The following KRIT1 variants were observed in gnomAD, a reference collection of about 807,000 sequenced individuals.
KRIT1 encodes krev interaction trapped protein 1.
Under a neutral mutation model 95.8 loss-of-function variants are expected in KRIT1, and 45 were observed. The observed-to-expected ratio is 0.47, with a 90% CI of 0.37 to 0.60. The LOEUF (loss-of-function observed/expected upper bound fraction) is 0.60, where lower values mean the gene tolerates loss of function less well. KRIT1 is among the 20% of genes least tolerant of loss of function. The pLI is 0.00. For missense variants in KRIT1, 788 were observed against 877.5 expected (o/e 0.90, Z 1.29); for synonymous variants, 282 against 278.8 (o/e 1.01, Z -0.11).
rs1798700135 is a variant in KRIT1, at chr7:92,237,655, T to A, written c.355+12A>T. 2 of 1,500,672 alleles carry A rather than the reference T, an allele frequency of 1.3e-6. No homozygotes were observed. Among genetic ancestry groups the A allele is most frequent in the African/African-American group, 2.7e-5 (2 of 72,792 alleles). 93.0% of individuals were successfully genotyped at this position (1,500,672 alleles called of 1,614,324 possible). On this transcript the variant is annotated intron_variant, in intron 6 of 18. Transcript: ENST00000394505. ...AGTATATAAAGATTTGTAAGATACA[T>A]TTAGACTTTACCTTTGACAACTGAT... is the stretch of plus-strand genomic sequence containing the variant.
At chr7:92,222,770 C>T in intron 13 of KRIT1, 52 bp downstream of exon 13, 8 of 1,127,626 alleles carry the variant, frequency 7.1e-6, no homozygotes, top group East Asian at 2.4e-5. Flanking sequence ...TACCAACCCA[C>T]TCCCAAAAAG....
intron 12 of KRIT1, among the ~76,000 whole-genome samples, chr7:92,223,939 A>G (rs367894329): frequency 2.4e-4 from 36 of 152,364 alleles, no homozygotes; most frequent in African/African-American, 8.7e-4. Context: ...TTCACAATAT[A>G]AAAATTATAT....
intron 17 of KRIT1, among the ~76,000 whole-genome samples, chr7:92,207,600 T>G (rs942498639): frequency 6.6e-6 from 1 of 152,220 alleles, no homozygotes; most frequent in African/African-American, 2.4e-5. Context: ...CTCACGCCTG[T>G]AATCCCAGCA....
intron 14 of KRIT1, among the ~76,000 whole-genome samples, chr7:92,220,243 T>G (rs568391717): frequency 6.6e-6 from 1 of 152,336 alleles, no homozygotes; most frequent in South Asian, 2.1e-4. Context: ...TGAAAGGGTG[T>G]TGGATTTTGT....
intron 17 of KRIT1, among the ~76,000 whole-genome samples, chr7:92,210,468 A>G (rs1792555136): frequency 6.6e-6 from 1 of 152,198 alleles, no homozygotes; most frequent in Non-Finnish European, 1.5e-5. Flanking sequence ...TGTTGGAAAA[A>G]TTGGATACCC....
intron 17 of KRIT1, 84 bp downstream of exon 17, chr7:92,213,111 C>A: frequency 1.1e-6 from 1 of 903,824 alleles, no homozygotes; most frequent in Non-Finnish European, 1.8e-6. Flanking sequence ...TGTATATATG[C>A]CATTTCTAAA....
intron 10 of KRIT1, among the ~76,000 whole-genome samples, chr7:92,234,121 T>C (rs1563300244): frequency 6.6e-6 from 1 of 152,106 alleles, no homozygotes; most frequent in East Asian, 1.9e-4. Flanking sequence ...ATAATCCCAA[T>C]ACAAAACAAG....
chr7:92,229,530 CAT>C lies in KRIT1; in HGVS notation c.990-2850_990-2849del, dbSNP rs1163631105. Among the ~76,000 whole-genome samples, 5 of 152,236 alleles carry C rather than the reference CAT, an allele frequency of 3.3e-5. No homozygotes were observed. The East Asian group carries it at 5.8e-4, about 18-fold the overall frequency. On this transcript the variant is annotated intron_variant, in intron 10 of 18. Coordinates refer to ENST00000394505, the MANE Select transcript of KRIT1 (RefSeq NM_194454.3). ...AGAAGACATACAAGCAGCCAAGAGA[CAT>C]ATGAAAAAAAGCTCAATATCACTGA...
Position 92,235,506 on chromosome 7 carries a change from C to A in KRIT1, c.626G>T (p.Gly209Val). The A allele has an allele frequency of 3.7e-6, 6 of 1,613,490 alleles. No homozygotes were observed. Among genetic ancestry groups the A allele is most frequent in the Non-Finnish European group, 5.1e-6 (6 of 1,179,526 alleles). Residue 209 changes from glycine to valine, a missense_variant, in exon 8 of 19, where the codon GGC becomes GTC. Physicochemically the swap from Gly to Val is moderately radical, Grantham distance 109. Transcript: ENST00000394505. Reference sequence around the variant, plus strand: ...ACTCTTTATTTCTAGTGCACTATAGCCCATATGTAGTGAGTTTTCTGTCTG... The same window carrying A: ...ACTCTTTATTTCTAGTGCACTATAGACCATATGTAGTGAGTTTTCTGTCTG... ...SGQTENSLHMGYSALEIKSKM... is the reference protein window; with the variant it reads ...SGQTENSLHMVYSALEIKSKM...
chr7:92,214,362 T>C (rs1224039692), intron 15 of KRIT1, among the ~76,000 whole-genome samples: 2 of 152,052 alleles, frequency 1.3e-5, no homozygotes, highest in Non-Finnish European at 2.9e-5. Flanking sequence ...AGTGAACTTA[T>C]TTAAGCATAA....
chr7:92,244,550 A>C lies in KRIT1; in HGVS notation c.-151+352T>G, dbSNP rs145839958. ...AGAACTATTCGTACTTGACTACTTA[A>C]AATCTACATTCTTCCAGTGACATGA... On this transcript the variant is annotated intron_variant, in intron 2 of 18. Transcript: ENST00000394505. Among the ~76,000 whole-genome samples the C allele has an allele frequency of 2.8e-3, 420 of 152,326 alleles. 1 individual carries two copies. The highest frequency in any genetic ancestry group is 9.7e-3 in the African/African-American group (405 of 41,564).
At chr7:92,211,403 G>A (rs1410725831) in intron 17 of KRIT1, among the ~76,000 whole-genome samples, 15 of 152,218 alleles carry the variant, frequency 9.9e-5, no homozygotes, top group Admixed American at 9.8e-4. Flanking sequence ...ATTTTGTTAA[G>A]TGAAATTAGC....
intron 10 of KRIT1, 32 bp from the exon 11 acceptor site, chr7:92,226,714 C>CA: frequency 6.2e-7 from 1 of 1,602,486 alleles, no homozygotes; most frequent in Non-Finnish European, 8.5e-7. Context: ...CAAAAAACAA[C>CA]AACAAAAAAA....
At chr7:92,226,291 A>G (rs1482549972) in intron 11 of KRIT1, among the ~76,000 whole-genome samples, 1 of 152,202 alleles carries the variant, frequency 6.6e-6, no homozygotes, top group Non-Finnish European at 1.5e-5. Context: ...TGTAAATTTT[A>G]GGCGAGGTGT....
rs537136166 is a variant in KRIT1 at position 92,224,638 on chromosome 7, G to A, written c.1254+1082C>T. On this transcript the variant is annotated intron_variant, in intron 12 of 18. Coordinates refer to ENST00000394505, the MANE Select transcript of KRIT1 (RefSeq NM_194454.3). ...AATAGCTATGTATGCCAGCATTTTCGATTTATGAGTTTATTTCCAGTTGTA... is the reference window on the plus strand; with the variant it reads ...AATAGCTATGTATGCCAGCATTTTCAATTTATGAGTTTATTTCCAGTTGTA... 4.9e-3 allele frequency among the ~76,000 whole-genome samples: 741 copies of A among 151,950 alleles called. 3 individuals are homozygous for A. Among genetic ancestry groups the A allele is most frequent in the Non-Finnish European group, 6.9e-3 (469 of 67,984 alleles).
rs547410276 is a variant in KRIT1, at chr7:92,213,768, C to T, written c.1818+124G>A. On this transcript the variant is annotated intron_variant, in intron 16 of 18. Transcript: ENST00000394505. ...TACTTTCAATTTCAAGCATTGTGAACTAGAAGATACATTTTTAATTTCAGG... is the reference window on the plus strand; with the variant it reads ...TACTTTCAATTTCAAGCATTGTGAATTAGAAGATACATTTTTAATTTCAGG... 1.4e-4 allele frequency: 98 copies of T among 691,868 alleles called. No homozygotes were observed. The East Asian group carries it at 2.7e-3, about 19-fold the overall frequency. 42.9% of individuals were successfully genotyped at this position (691,868 alleles called of 1,614,324 possible). A position where few individuals can be genotyped will look rare whatever the true frequency, so the allele number is the denominator to read the frequency against.
chr7:92,230,632 A>G (rs1797084279), intron 10 of KRIT1, among the ~76,000 whole-genome samples: 1 of 152,208 alleles, frequency 6.6e-6, no homozygotes, highest in Admixed American at 6.5e-5. Context: ...GGTGAAAGCA[A>G]CTTTCAAGAA....
intron 17 of KRIT1, among the ~76,000 whole-genome samples, chr7:92,211,548 G>A (rs751513340): frequency 1.3e-4 from 20 of 152,046 alleles, no homozygotes; most frequent in Admixed American, 5.2e-4. Flanking sequence ...GTCAGTTAAC[G>A]GGTACAAACA....
Position 92,244,994 on chromosome 7 carries a change from G to A in KRIT1, c.-243C>T, listed in dbSNP as rs1268236789. The A allele has an allele frequency of 3.3e-5, 5 of 152,100 alleles. No homozygotes were observed. Among genetic ancestry groups the A allele is most frequent in the African/African-American group, 9.7e-5 (4 of 41,388 alleles). 9.4% of individuals were successfully genotyped at this position (152,100 alleles called of 1,614,324 possible). ...ACTGCCATTTAGTGTCCATGGAACA[G>A]GTTTGCTAACATCCTCTTAGTATGC... On this transcript the variant is annotated 5_prime_UTR_variant, in exon 2 of 19. Coordinates refer to ENST00000394505, the MANE Select transcript of KRIT1 (RefSeq NM_194454.3).
Sources: allele counts gnomAD v4.1 joint callset (sites outside exome capture counted in the v4.1 genomes callset), GRCh38; gene constraint gnomAD v4.1.1; transcripts MANE v1.5; gene names NCBI Gene and HGNC (gene_info 2026-07-23, HGNC 2026-07-21).